MAPK6: variants seen among roughly 807,000 people sequenced by gnomAD.
MAPK6 encodes the protein ERK-3.
A neutral mutation model predicts 59.3 loss-of-function variants in MAPK6; 19 were observed. The ratio of observed to expected loss-of-function variants is 0.32; its 90% CI spans 0.22 to 0.47. MAPK6 has a LOEUF of 0.47. Among genes scored for constraint, MAPK6 ranks in the 20% least tolerant of loss-of-function variants. MAPK6 has a pLI of 1.00. For synonymous variants in MAPK6, 316 were observed against 290.3 expected (o/e 1.09, Z -0.90); for missense variants, 724 against 847.9 (o/e 0.85, Z 1.81).
intron 1 of MAPK6, among the ~76,000 whole-genome samples, chr15:52,032,909 T>C (rs1272256873): frequency 6.6e-6 from 1 of 152,100 alleles, no homozygotes; most frequent in African/African-American, 2.4e-5. Flanking sequence ...GGTCTCAAAC[T>C]CCTGACTTCA....
intron 2 of MAPK6, among the ~76,000 whole-genome samples, chr15:51,993,717 G>A (rs900274091): frequency 1.3e-5 from 2 of 151,808 alleles, no homozygotes; most frequent in Non-Finnish European, 2.9e-5. Flanking sequence ...CACAAAAAGG[G>A]CCTGAGAACA....
At chr15:51,997,995 G>A (rs1297638170) in intron 2 of MAPK6, among the ~76,000 whole-genome samples, 2 of 147,696 alleles carry the variant, frequency 1.4e-5, no homozygotes, top group African/African-American at 5.1e-5. Flanking sequence ...CCAGGCTGGA[G>A]TGCAGTGGCA....
At chr15:52,044,558 C>T (rs1280443014) in intron 1 of MAPK6, among the ~76,000 whole-genome samples, 4 of 152,026 alleles carry the variant, frequency 2.6e-5, no homozygotes, top group African/African-American at 9.7e-5. Flanking sequence ...ATTCTGACCA[C>T]CTGATTTTCC....
At chr15:52,033,009 T>C (rs1595986141) in intron 1 of MAPK6, among the ~76,000 whole-genome samples, 1 of 152,204 alleles carries the variant, frequency 6.6e-6, no homozygotes, top group East Asian at 1.9e-4. Context: ...GGAGACAGGG[T>C]CTCACTATGT....
At chr15:52,057,605 C>T (rs1163044209) in intron 3 of MAPK6, among the ~76,000 whole-genome samples, 1 of 151,836 alleles carries the variant, frequency 6.6e-6, no homozygotes, top group East Asian at 1.9e-4. Context: ...AGTGCAGTGA[C>T]ATGATCTTGG....
intron 1 of MAPK6, chr15:52,027,947 A>ATTTTTTTTTTTT (rs34981319): frequency 1.8e-4 from 10 of 54,684 alleles, no homozygotes; most frequent in East Asian, 4.9e-4. Flanking sequence ...TAATTTTTGT[A>ATTTTTTTTTTTT]TTTTTTTTTT....
At chr15:52,051,437 A>G (rs2031776864) in intron 3 of MAPK6, among the ~76,000 whole-genome samples, 1 of 69,998 alleles carries the variant, frequency 1.4e-5, no homozygotes, top group South Asian at 3.3e-4. Context: ...GCCAGAGTCT[A>G]TTTACATAAG....
chr15:52,050,615 T>G (rs1176611947), intron 3 of MAPK6, among the ~76,000 whole-genome samples: 1 of 152,194 alleles, frequency 6.6e-6, no homozygotes, highest in Non-Finnish European at 1.5e-5. Context: ...AAAAATGTCT[T>G]GTGTCATAAA....
At chr15:51,997,478 G>A (rs1374110911) in intron 2 of MAPK6, among the ~76,000 whole-genome samples, 3 of 151,368 alleles carry the variant, frequency 2.0e-5, no homozygotes, top group Admixed American at 6.6e-5. Flanking sequence ...GGCTGGTCTC[G>A]AATTCCTGAC....
intron 2 of MAPK6, among the ~76,000 whole-genome samples, chr15:51,991,509 G>A (rs777325918): frequency 2.2e-4 from 34 of 152,096 alleles, no homozygotes; most frequent in Admixed American, 8.5e-4. Flanking sequence ...ATTACATAAC[G>A]CGACAAATGT....
At chr15:52,026,480 G>A (rs1277944454) in intron 1 of MAPK6, among the ~76,000 whole-genome samples, 1 of 151,996 alleles carries the variant, frequency 6.6e-6, no homozygotes, top group African/African-American at 2.4e-5. Context: ...TAGTAGAGAT[G>A]GGGTTTCAAC....
intron 2 of MAPK6, among the ~76,000 whole-genome samples, chr15:51,998,533 T>C (rs1156608242): frequency 6.8e-6 from 1 of 146,700 alleles, no homozygotes; most frequent in Non-Finnish European, 1.5e-5. Flanking sequence ...CCCTCTCTCT[T>C]TTTTTTGAGG....
chr15:52,043,790 G>C (rs1487338642), intron 1 of MAPK6, among the ~76,000 whole-genome samples: 1 of 106,488 alleles, frequency 9.4e-6, no homozygotes, highest in Non-Finnish European at 1.7e-5. Flanking sequence ...GCAGAGTCTC[G>C]CTGTGTCCCC....
chr15:52,038,212 C>T (rs1340138204), intron 1 of MAPK6, among the ~76,000 whole-genome samples: 10 of 150,600 alleles, frequency 6.6e-5, no homozygotes, highest in South Asian at 4.2e-4. Flanking sequence ...CAATGCCTGG[C>T]ACATGGTAAG....
At chr15:52,061,528 A>T (rs545212402) in intron 5 of MAPK6, 28 bp downstream of exon 5, 1 of 1,534,766 alleles carries the variant, frequency 6.5e-7, no homozygotes, top group Non-Finnish European at 9.0e-7. Context: ...TAGAAAAATA[A>T]TATTTACTGA....
At chr15:52,015,470 C>G (rs2030205928), upstream of MAPK6, among the ~76,000 whole-genome samples, 1 of 150,298 alleles carries the variant, frequency 6.7e-6, no homozygotes, top group Admixed American at 6.7e-5. Flanking sequence ...TTTATAGCCA[C>G]AGAATGGGAT....
intron 2 of MAPK6, among the ~76,000 whole-genome samples, chr15:51,995,455 C>A (rs1016096473): frequency 6.6e-6 from 1 of 152,206 alleles, no homozygotes; most frequent in East Asian, 1.9e-4. Flanking sequence ...TCAGTGGCTT[C>A]ATCTCTGTGT....
At chr15:52,045,728 G>C (rs965018617) in intron 1 of MAPK6, 102 bp from the exon 2 acceptor site, 2 of 152,638 alleles carry the variant, frequency 1.3e-5, no homozygotes, top group African/African-American at 4.8e-5. Flanking sequence ...TAATGTACCA[G>C]TAGTAGTTTA....
chr15:52,064,830 G>T lies in MAPK6; in HGVS notation c.1996G>T (p.Gly666Trp). The T allele has an allele frequency of 6.2e-7, 1 of 1,611,930 alleles. No homozygotes were observed. The highest frequency in any genetic ancestry group is 8.5e-7 in the Non-Finnish European group (1 of 1,179,820). Residue 666 changes from glycine to tryptophan, a missense_variant, in exon 6 of 6, where the codon GGG (glycine) becomes TGG (tryptophan). Physicochemically the swap from Gly to Trp is radical, Grantham distance 184 (BLOSUM62 -2). Around this residue, in one of 4 missense-constraint regions of MAPK6, gnomAD observed 502 missense variants for 507.6 expected, o/e 0.99. Coordinates refer to ENST00000261845, the MANE Select transcript of MAPK6 (RefSeq NM_002748.4). ...GHEEGFLNNS[G>W]EFLFNKQLES... ...TGAGGAAGGATTTCTGAACAACAGTGGGGAGTTCCTCTTTAACAAGCAGCT... is the reference window on the plus strand; with the variant it reads ...TGAGGAAGGATTTCTGAACAACAGTTGGGAGTTCCTCTTTAACAAGCAGCT...
Sources: gnomAD v4.1 joint callset for allele counts (sites outside exome capture counted in the v4.1 genomes callset) on GRCh38, gnomAD v4.1.1 for gene constraint, gnomAD v4.1.1 regional missense constraint, MANE v1.5 for transcripts, NCBI Gene and HGNC (gene_info 2026-07-23, HGNC 2026-07-21) for gene names.